Variants in FAHD2A observed in about 807,000 individuals in gnomAD.
FAHD2A encodes the protein fumarylacetoacetate hydrolase domain containing 2A.
FAHD2A carries 27 observed loss-of-function variants against 33.4 expected under a neutral mutation model. The ratio of observed to expected loss-of-function variants is 0.81; its 90% CI spans 0.60 to 1.11. The LOEUF (loss-of-function observed/expected upper bound fraction) is 1.11. FAHD2A is among the 50% of genes most tolerant of loss of function. The pLI is 0.00. For synonymous variants in FAHD2A, 130 were observed against 153.3 expected (o/e 0.85, Z 1.12); for missense variants, 296 against 395.0 (o/e 0.75, Z 2.12).
In FAHD2A at chr2:95,410,980, C is replaced by T; in HGVS notation, c.639C>T (p.Thr213=). 6.2e-7 allele frequency: 1 copy of T among 1,613,956 alleles called. No individual in the cohort carries two copies. The highest frequency in any genetic ancestry group is 8.5e-7 in the Non-Finnish European group (1 of 1,179,824). The stretch of plus-strand genomic sequence containing the variant: ...GGCTGCTGGGAAAAACCTTCGACAC[C>T]TTCTGCCCTCTGGGCCCTGCCTTGG... ...KQWLLGKTFD[T]FCPLGPALVT... Residue 213 remains threonine (T), a synonymous_variant, in exon 5 of 8, where the codon ACC becomes ACT. Transcript: ENST00000233379.
downstream of FAHD2A, among the ~76,000 whole-genome samples, chr2:95,420,378 C>G (rs1316076898): frequency 6.6e-6 from 1 of 152,016 alleles, no homozygotes; most frequent in African/African-American, 2.4e-5. Context: ...AAAGTATTTG[C>G]AGGAAGGAGG....
In FAHD2A at chr2:95,412,972, G is replaced by A. The variant is rs779045324; in HGVS notation, c.*15G>A. Reference sequence around the variant, plus strand: ...AGGTGGTGTGATGGCTCCTGCACAGGCCCTGCACATAGGATGAGGGCATCT... The same window carrying A: ...AGGTGGTGTGATGGCTCCTGCACAGACCCTGCACATAGGATGAGGGCATCT... On this transcript the variant is annotated 3_prime_UTR_variant, in exon 8 of 8. Coordinates refer to ENST00000233379, the MANE Select transcript of FAHD2A (RefSeq NM_016044.3). 9 of 1,613,480 alleles carry A rather than the reference G, an allele frequency of 5.6e-6. No individual in the cohort carries two copies. In the African/African-American group the frequency reaches 1.1e-4, roughly 19 times the overall value.
chr2:95,404,115 C>A (rs1035902336), intron 1 of FAHD2A, among the ~76,000 whole-genome samples: 1 of 152,180 alleles, frequency 6.6e-6, no homozygotes, highest in Non-Finnish European at 1.5e-5. Flanking sequence ...CAGCTGCCTC[C>A]ACATTTTTGG....
At position 95,415,423 on chromosome 2, in the gene FAHD2A, A is replaced by AT. The variant is rs1491220823; in HGVS notation, c.*2466_*2467insT. On this transcript the variant is annotated 3_prime_UTR_variant, in exon 8 of 8. Transcript: ENST00000233379. ...GTGAGTGGAAAGCAAATGAAATGTT[A>AT]AAAAAAAAAAAAAAGCAATACTTGC... 2 of 137,294 alleles carry AT rather than the reference A, an allele frequency of 1.5e-5. No homozygotes were observed. Among genetic ancestry groups the AT allele is most frequent in the African/African-American group, 5.2e-5 (2 of 38,298 alleles). The allele number at this position is 137,294 out of a possible 1,614,324, so 8.5% of individuals were successfully genotyped here.
chr2:95,417,784 G>A (rs907686161), downstream of FAHD2A, among the ~76,000 whole-genome samples: 13 of 152,008 alleles, frequency 8.6e-5, no homozygotes, highest in Non-Finnish European at 1.5e-4. Context: ...ATGAGAGGAA[G>A]CAAGCAGTTT....
downstream of FAHD2A, chr2:95,416,698 T>C (rs958564533): frequency 6.6e-6 from 1 of 152,166 alleles, no homozygotes; most frequent in Non-Finnish European, 1.5e-5. Context: ...CTGTTGAAAA[T>C]GTGACTGACA....
Position 95,402,727 on chromosome 2 carries a change from C to G in FAHD2A, c.-152C>G, listed in dbSNP as rs559623720. Reference sequence around the variant, plus strand: ...GCGCCCGCTTTTCTCTCGGGTGATCCGGCCGAGTGGCCCTGGGTTAGCAGC... The same window carrying G: ...GCGCCCGCTTTTCTCTCGGGTGATCGGGCCGAGTGGCCCTGGGTTAGCAGC... On this transcript the variant is annotated 5_prime_UTR_variant, in exon 1 of 8. Transcript: ENST00000233379. 6.6e-6 allele frequency: 1 copy of G among 152,440 alleles called. No individual in the cohort carries two copies. Among genetic ancestry groups the G allele is most frequent in the South Asian group, 2.1e-4 (1 of 4,830 alleles). The allele number at this position is 152,440 out of a possible 1,614,324, so 9.4% of individuals were successfully genotyped here. A position where few individuals can be genotyped will look rare whatever the true frequency, so the allele number is the denominator to read the frequency against.
In FAHD2A at chr2:95,413,475, G is replaced by A. The variant is rs1046859029; in HGVS notation, c.*518G>A. On this transcript the variant is annotated 3_prime_UTR_variant, in exon 8 of 8. Transcript: ENST00000233379. ...TCTAGCTACAAGTGAACTGCCGGAT[G>A]AACTGTTCTAGTTTTTCCTGATTGT... 146 of 1,610,326 alleles carry A rather than the reference G, an allele frequency of 9.1e-5. No individual in the cohort carries two copies. The highest frequency in any genetic ancestry group is 1.2e-4 in the Non-Finnish European group (136 of 1,179,358).
Position 95,414,253 on chromosome 2 carries a change from A to T in FAHD2A, c.*1296A>T. 1 of 1,600,746 alleles carries T rather than the reference A, an allele frequency of 6.2e-7. No individual in the cohort carries two copies. The highest frequency in any genetic ancestry group is 8.5e-7 in the Non-Finnish European group (1 of 1,172,204). On this transcript the variant is annotated 3_prime_UTR_variant, in exon 8 of 8. Coordinates refer to ENST00000233379, the MANE Select transcript of FAHD2A (RefSeq NM_016044.3). The stretch of plus-strand genomic sequence containing the variant: ...GCTGACTGGTTGGGACTCACCAAAG[A>T]TCCCTTCTTCCTGGGCGGTGGCCTG...
At chr2:95,409,390 C>T (rs746630776) in intron 3 of FAHD2A, among the ~76,000 whole-genome samples, 2 of 152,004 alleles carry the variant, frequency 1.3e-5, no homozygotes, top group Admixed American at 6.5e-5. Context: ...TTTCAGCACA[C>T]CTCTGCCTCC....
rs1429568894 is a variant in FAHD2A at position 95,415,201 on chromosome 2, A to C, written c.*2244A>C. The C allele has an allele frequency of 6.6e-6, 1 of 152,152 alleles. No homozygotes were observed. Among genetic ancestry groups the C allele is most frequent in the Non-Finnish European group, 1.5e-5 (1 of 68,060 alleles). The allele number at this position is 152,152 out of a possible 1,614,324, so 9.4% of individuals were successfully genotyped here. A position where few individuals can be genotyped will look rare whatever the true frequency, so the allele number is the denominator to read the frequency against. The stretch of plus-strand genomic sequence containing the variant: ...ACCAGGACTTTCATTTTCCCTCAGT[A>C]TGGCCCATCCTTTGGGTATGCCAAC... On this transcript the variant is annotated 3_prime_UTR_variant, in exon 8 of 8. Coordinates refer to ENST00000233379, the MANE Select transcript of FAHD2A (RefSeq NM_016044.3).
At chr2:95,406,676 A>G (rs549899397) in intron 2 of FAHD2A, among the ~76,000 whole-genome samples, 14 of 152,232 alleles carry the variant, frequency 9.2e-5, no homozygotes, top group African/African-American at 3.1e-4. Context: ...GGAAAGGGAA[A>G]CCTTTCCATG....
intron 5 of FAHD2A, 26 bp downstream of exon 5, chr2:95,411,052 A>G (rs1682413795): frequency 1.9e-6 from 3 of 1,612,920 alleles, no homozygotes; most frequent in Non-Finnish European, 2.5e-6. Context: ...CTGCCCCCTT[A>G]TACCTACCAT....
rs993753787 is a variant in FAHD2A at position 95,414,060 on chromosome 2, G to T, written c.*1103G>T. The T allele has an allele frequency of 2.1e-6, 3 of 1,416,022 alleles. No individual in the cohort carries two copies. Among genetic ancestry groups the T allele is most frequent in the African/African-American group, 2.8e-5 (2 of 70,838 alleles). The allele number at this position is 1,416,022 out of a possible 1,614,324, so 87.7% of individuals were successfully genotyped here. On this transcript the variant is annotated 3_prime_UTR_variant, in exon 8 of 8. Transcript: ENST00000233379. ...GAAGGCTCTAGGTAGGGAGGACAGG[G>T]AGACACTGGGCACAGGCTTCTCTCC...
At position 95,410,669 on chromosome 2, in the gene FAHD2A, C is replaced by A. The variant is rs1414024585; in HGVS notation, c.522+83C>A. The A allele has an allele frequency of 5.1e-6, 8 of 1,580,992 alleles. No homozygotes were observed. In the Middle Eastern group the frequency reaches 5.4e-4, roughly 106 times the overall value. On this transcript the variant is annotated intron_variant, in intron 4 of 7. Transcript: ENST00000233379. The stretch of plus-strand genomic sequence containing the variant: ...CTCTCCTAGTTCTGACCCCACTCAC[C>A]AACACACGGTGCCAGCTGTCCCTGA...
chr2:95,413,891 G>T lies in FAHD2A; in HGVS notation c.*934G>T. ...CTGTGGGGTGATGGGAACATAGCTG[G>T]GTTTCCCTGAGCCACTCTATTGGGG... is the stretch of plus-strand genomic sequence containing the variant. On this transcript the variant is annotated 3_prime_UTR_variant, in exon 8 of 8. Transcript: ENST00000233379. 3.2e-6 allele frequency: 3 copies of T among 932,670 alleles called. No homozygotes were observed. The highest frequency in any genetic ancestry group is 5.3e-6 in the Non-Finnish European group (3 of 565,426). The allele number at this position is 932,670 out of a possible 1,614,324, so 57.8% of individuals were successfully genotyped here. A position where few individuals can be genotyped will look rare whatever the true frequency, so the allele number is the denominator to read the frequency against.
rs1683149515 is a variant in FAHD2A, at chr2:95,416,169, T to G, written c.*3212T>G. 1.3e-5 allele frequency: 2 copies of G among 152,188 alleles called. No individual in the cohort carries two copies. The highest frequency in any genetic ancestry group is 1.3e-4 in the Admixed American group (2 of 15,282). The allele number at this position is 152,188 out of a possible 1,614,324, so 9.4% of individuals were successfully genotyped here. ...GCCTGGGTGTGTATCCTGGTTCTGC[T>G]AGGAACACGTGTGGGGCTTTGTGTG... On this transcript the variant is annotated 3_prime_UTR_variant, in exon 8 of 8. Coordinates refer to ENST00000233379, the MANE Select transcript of FAHD2A (RefSeq NM_016044.3).
rs562259247 is a variant in FAHD2A at position 95,412,981 on chromosome 2, A to C, written c.*24A>C. ...GATGGCTCCTGCACAGGCCCTGCAC[A>C]TAGGATGAGGGCATCTGCTCCCACT... On this transcript the variant is annotated 3_prime_UTR_variant, in exon 8 of 8. Coordinates refer to ENST00000233379, the MANE Select transcript of FAHD2A (RefSeq NM_016044.3). 3.8e-5 allele frequency: 62 copies of C among 1,613,060 alleles called. 1 individual carries two copies. The East Asian group carries it at 1.4e-3, about 36-fold the overall frequency.
Position 95,415,102 on chromosome 2 carries a change from T to G in FAHD2A, c.*2145T>G, listed in dbSNP as rs1189912113. On this transcript the variant is annotated 3_prime_UTR_variant, in exon 8 of 8. Coordinates refer to ENST00000233379, the MANE Select transcript of FAHD2A (RefSeq NM_016044.3). ...CCAAGGACACTGCTCTACTCTAAAT[T>G]TTTTGTCCCGAAGCCCCCAAATACT... 6.6e-6 allele frequency: 1 copy of G among 151,988 alleles called. No homozygotes were observed. The highest frequency in any genetic ancestry group is 6.6e-5 in the Admixed American group (1 of 15,252). The allele number at this position is 151,988 out of a possible 1,614,324, so 9.4% of individuals were successfully genotyped here.
Sources: gnomAD v4.1 joint callset for allele counts (sites outside exome capture counted in the v4.1 genomes callset) on GRCh38, gnomAD v4.1.1 for gene constraint, MANE v1.5 for transcripts, NCBI Gene and HGNC (gene_info 2026-07-23, HGNC 2026-07-21) for gene names.